LEFTY1: variants seen among roughly 807,000 people sequenced by gnomAD.
LEFTY1 encodes left-right determination factor 1, also known as left-right determination factor B.
LEFTY1 carries 18 observed loss-of-function variants against 22.6 expected under a neutral mutation model. That is an observed-to-expected ratio of 0.80 (90% confidence interval 0.55 to 1.18). The LOEUF (loss-of-function observed/expected upper bound fraction) is 1.18, where lower values mean the gene tolerates loss of function less well. Among genes scored for constraint, LEFTY1 ranks in the 50% most tolerant of loss-of-function variants. The probability of loss-of-function intolerance (pLI) is 0.00; values close to 1 mark genes in which losing one functional copy is unlikely to be tolerated. For missense variants in LEFTY1, 414 were observed against 495.4 expected (o/e 0.84, Z 1.56); for synonymous variants, 201 against 231.5 (o/e 0.87, Z 1.20).
rs774548213 is a variant in LEFTY1 at position 225,886,730 on chromosome 1, T to C, written c.1098A>G (p.Pro366=). ...CCTCGATGGCTACACTAGGCGCCTA[T>C]GGCTGGAGCCTCCTTGGCACGAGCG... ...DGALVPRRLQ[P] is the part of the protein sequence containing the mutation. Residue 366 remains proline, a synonymous_variant, in exon 4 of 4, where the codon CCA becomes CCG. Transcript: ENST00000272134. 1.9e-6 allele frequency: 3 copies of C among 1,613,386 alleles called. No homozygotes were observed. The highest frequency in any genetic ancestry group is 1.3e-5 in the African/African-American group (1 of 74,932).
rs762171279 is a variant in LEFTY1 at position 225,886,488 on chromosome 1, A to G, written c.*239T>C. The stretch of plus-strand genomic sequence containing the variant: ...CTCCACATGTAAGTGCTTAGAATAT[A>G]GTGCAGTGAATAATAAGAATAGAGA... On this transcript the variant is annotated 3_prime_UTR_variant, in exon 4 of 4. Coordinates refer to ENST00000272134, the MANE Select transcript of LEFTY1 (RefSeq NM_020997.4). The G allele has an allele frequency of 8.8e-6, 6 of 683,038 alleles. No individual in the cohort carries two copies. The highest frequency in any genetic ancestry group is 1.4e-5 in the Non-Finnish European group (6 of 421,534). 42.3% of individuals were successfully genotyped at this position (683,038 alleles called of 1,614,324 possible).
chr1:225,888,787 A>G, intron 1 of LEFTY1, 30 bp downstream of exon 1: 4 of 1,612,174 alleles, frequency 2.5e-6, no homozygotes, highest in Non-Finnish European at 2.5e-6. Context: ...GCCCCATGGG[A>G]CCAGGGGCAG....
At chr1:225,887,707 A>G in intron 2 of LEFTY1, 69 bp from the exon 3 acceptor site, 2 of 1,578,542 alleles carry the variant, frequency 1.3e-6, no homozygotes, top group Non-Finnish European at 1.7e-6. Context: ...AGGACCCCGC[A>G]CCGCCCCCCC....
At chr1:225,888,744 CT>C in intron 1 of LEFTY1, 72 bp downstream of exon 1, 1 of 1,595,536 alleles carries the variant, frequency 6.3e-7, no homozygotes, top group Non-Finnish European at 8.5e-7. Context: ...GCCAGGAGCC[CT>C]TTGACACCAC....
In LEFTY1 at chr1:225,887,067, T is replaced by A; in HGVS notation, c.761A>T (p.Glu254Val). 1 of 1,601,258 alleles carries A rather than the reference T, an allele frequency of 6.2e-7. No homozygotes were observed. The highest frequency in any genetic ancestry group is 1.1e-5 in the South Asian group (1 of 89,334). Residue 254 changes from glutamate (E) to valine (V), a missense_variant, in exon 4 of 4, where the codon GAA becomes GTA. By Grantham distance (121) the Glu-to-Val change is moderately radical. Transcript: ENST00000272134. ...DYGAQGDCDP[E>V]APMTEGTRCC... ...GCGGGTGCCCTCGGTCATTGGTGCT[T>A]CAGGGTCACAGTCGCCCTGAGCTCT...
In LEFTY1 at chr1:225,886,854, G is replaced by T; in HGVS notation, c.974C>A (p.Pro325His). ...QCIASETDSL[P>H]MIVSIKEGGR... ...TCCCTCCTTGATGCTGACGATCATGGGCAGCGAGTCAGTCTCCGAGGCGAT... is the reference window on the plus strand; with the variant it reads ...TCCCTCCTTGATGCTGACGATCATGTGCAGCGAGTCAGTCTCCGAGGCGAT... Residue 325 changes from proline to histidine, a missense_variant, in exon 4 of 4, where the codon CCC (proline) becomes CAC (histidine). Pro to His is a moderately conservative substitution (Grantham distance 77, BLOSUM62 -2). Coordinates refer to ENST00000272134, the MANE Select transcript of LEFTY1 (RefSeq NM_020997.4). 1 of 1,613,938 alleles carries T rather than the reference G, an allele frequency of 6.2e-7. No homozygotes were observed. Among genetic ancestry groups the T allele is most frequent in the South Asian group, 1.1e-5 (1 of 91,078 alleles).
chr1:225,887,099 G>C lies in LEFTY1; in HGVS notation c.738-9C>G. The C allele has an allele frequency of 6.3e-7, 1 of 1,596,610 alleles. No homozygotes were observed. Among genetic ancestry groups the C allele is most frequent in the Non-Finnish European group, 8.5e-7 (1 of 1,172,622 alleles). ...CACAGTCGCCCTGAGCTCTGTGTGG[G>C]CAAAGAGAGCAGGGTCAGCGGTCAG... On this transcript the variant is annotated splice_polypyrimidine_tract_variant and intron_variant, in intron 3 of 3. Coordinates refer to ENST00000272134, the MANE Select transcript of LEFTY1 (RefSeq NM_020997.4).
Position 225,886,822 on chromosome 1 carries a change from T to G in LEFTY1, c.1006A>C (p.Thr336Pro). The G allele has an allele frequency of 1.2e-6, 2 of 1,613,906 alleles. No homozygotes were observed. The highest frequency in any genetic ancestry group is 2.2e-5 in the South Asian group (2 of 91,080). ...MIVSIKEGGR[T>P]RPQVVSLPNM... is the part of the protein sequence containing the mutation. ...GGCAGGCTGACCACCTGGGGCCTGG[T>G]CCTGCCTCCCTCCTTGATGCTGACG... The change falls in exon 4 of 4, where the codon ACC (threonine) becomes CCC (proline). Residue 336 changes from threonine (T) to proline (P), a missense_variant. By Grantham distance (38) the Thr-to-Pro change is conservative (BLOSUM62 -1). This residue lies in a region of LEFTY1 where 398 missense variants were observed against 454.7 expected (regional missense o/e 0.88). Transcript: ENST00000272134.
At chr1:225,887,240 A>T in intron 3 of LEFTY1, 150 bp from the exon 4 acceptor site, 1 of 1,475,514 alleles carries the variant, frequency 6.8e-7, no homozygotes, top group Non-Finnish European at 9.0e-7. Flanking sequence ...CTTGAAAATT[A>T]ATAACCGATA....
chr1:225,887,707 ACCGCCCCC>A lies in LEFTY1; in HGVS notation c.497+71_498-70del. 3.8e-6 allele frequency: 6 copies of A among 1,578,542 alleles called. No individual in the cohort carries two copies. The South Asian group carries it at 4.5e-5, about 12-fold the overall frequency. ...CTGGGACGGGCCCCGAGGACCCCGC[ACCGCCCCC>A]CCGCGTCCCCGCCCCCAAGCCGGGC... On this transcript the variant is annotated intron_variant, in intron 2 of 3. Transcript: ENST00000272134.
In LEFTY1 at chr1:225,887,407, C is replaced by T. The variant is rs1326345612; in HGVS notation, c.729G>A (p.Gly243=). ...PQLELHTLDL[G]DYGAQGDCDP... ...TGACCCTCAGCACCTACCCATAGTCCCCAAGGTCCAGGGTGTGCAGCTCCA... is the reference window on the plus strand; with the variant it reads ...TGACCCTCAGCACCTACCCATAGTCTCCAAGGTCCAGGGTGTGCAGCTCCA... Residue 243 remains glycine (G), a synonymous_variant, in exon 3 of 4, where the codon GGG becomes GGA. Coordinates refer to ENST00000272134, the MANE Select transcript of LEFTY1 (RefSeq NM_020997.4). The T allele has an allele frequency of 8.1e-6, 13 of 1,613,666 alleles. No homozygotes were observed. Among genetic ancestry groups the T allele is most frequent in the Non-Finnish European group, 1.1e-5 (13 of 1,179,894 alleles).
At chr1:225,888,783 T>A in intron 1 of LEFTY1, 34 bp downstream of exon 1, 2 of 1,611,922 alleles carry the variant, frequency 1.2e-6, no homozygotes, top group Non-Finnish European at 1.7e-6. Context: ...ACCTGCCCCA[T>A]GGGACCAGGG....
chr1:225,887,148 C>T, intron 3 of LEFTY1, 58 bp from the exon 4 acceptor site: 1 of 1,540,224 alleles, frequency 6.5e-7, no homozygotes, highest in Non-Finnish European at 8.7e-7. Context: ...GGTCAGAGGG[C>T]GTCTGGGATG....
chr1:225,886,469 A>G lies in LEFTY1; in HGVS notation c.*258T>C. On this transcript the variant is annotated 3_prime_UTR_variant, in exon 4 of 4. Coordinates refer to ENST00000272134, the MANE Select transcript of LEFTY1 (RefSeq NM_020997.4). Reference sequence around the variant, plus strand: ...TGCCCTCAGGTTACAGTATCTCCACATGTAAGTGCTTAGAATATAGTGCAG... The same window carrying G: ...TGCCCTCAGGTTACAGTATCTCCACGTGTAAGTGCTTAGAATATAGTGCAG... The G allele has an allele frequency of 3.3e-6, 2 of 604,150 alleles. No individual in the cohort carries two copies. The highest frequency in any genetic ancestry group is 6.2e-5 in the East Asian group (2 of 32,146). 37.4% of individuals were successfully genotyped at this position (604,150 alleles called of 1,614,324 possible).
chr1:225,887,689 G>A, intron 2 of LEFTY1, 51 bp from the exon 3 acceptor site: 1 of 1,607,484 alleles, frequency 6.2e-7, no homozygotes, highest in Non-Finnish European at 8.5e-7. Context: ...GGACTGGGAC[G>A]GGCCCCGAGG....
rs370122681 is a variant in LEFTY1, at chr1:225,886,876, C to T, written c.952G>A (p.Ala318Thr). Residue 318 changes from alanine to threonine, a missense_variant, in exon 4 of 4, where the codon GCC becomes ACC. Coordinates refer to ENST00000272134, the MANE Select transcript of LEFTY1 (RefSeq NM_020997.4). The part of the protein sequence containing the change: ...WPFLGPRQCI[A>T]SETDSLPMIV... ...ATGGGCAGCGAGTCAGTCTCCGAGGCGATGCACTGTCGAGGCCCCAGAAAC... is the reference window on the plus strand; with the variant it reads ...ATGGGCAGCGAGTCAGTCTCCGAGGTGATGCACTGTCGAGGCCCCAGAAAC... 3 of 1,613,966 alleles carry T rather than the reference C, an allele frequency of 1.9e-6. No homozygotes were observed. Among genetic ancestry groups the T allele is most frequent in the South Asian group, 2.2e-5 (2 of 91,082 alleles).
At position 225,888,837 on chromosome 1, in the gene LEFTY1, C is replaced by T. The variant is rs1163675842; in HGVS notation, c.230G>A (p.Arg77Lys). 6.2e-7 allele frequency: 1 copy of T among 1,613,314 alleles called. No individual in the cohort carries two copies. The highest frequency in any genetic ancestry group is 2.2e-5 in the East Asian group (1 of 44,862). Reference protein sequence around the residue: ...RSHGDRSRGKRFSQSFREVAG... With the variant: ...RSHGDRSRGKKFSQSFREVAG... ...CTCACCTCGGAAGCTCTGGCTGAAC[C>T]TCTTTCCGCGGGAGCGGTCCCCGTG... is the stretch of plus-strand genomic sequence containing the variant. The change falls in exon 1 of 4, where the codon AGG becomes AAG. Residue 77 changes from arginine to lysine, a missense_variant. By Grantham distance (26) the Arg-to-Lys change is conservative (BLOSUM62 2). This residue lies in a region of LEFTY1 where 398 missense variants were observed against 454.7 expected (regional missense o/e 0.88). Transcript: ENST00000272134.
At position 225,886,705 on chromosome 1, in the gene LEFTY1, C is replaced by T. The variant is rs200925389; in HGVS notation, c.*22G>A. On this transcript the variant is annotated 3_prime_UTR_variant, in exon 4 of 4. Transcript: ENST00000272134. ...TTCAGAAACACACACAAGTCAAGTC[C>T]CTCGATGGCTACACTAGGCGCCTAT... 2.5e-6 allele frequency: 4 copies of T among 1,613,168 alleles called. No individual in the cohort carries two copies. The highest frequency in any genetic ancestry group is 3.4e-6 in the Non-Finnish European group (4 of 1,180,028).
In LEFTY1 at chr1:225,887,793, C is replaced by A. The variant is rs1005405089; in HGVS notation, c.490G>T (p.Asp164Tyr). 1.9e-6 allele frequency: 3 copies of A among 1,546,864 alleles called. No individual in the cohort carries two copies. Among genetic ancestry groups the A allele is most frequent in the Admixed American group, 3.9e-5 (2 of 51,582 alleles). Residue 164 changes from aspartate (D) to tyrosine (Y), a missense_variant, in exon 2 of 4, where the codon GAC (aspartate) becomes TAC (tyrosine). Around this residue, in one of 2 missense-constraint regions of LEFTY1, gnomAD observed 398 missense variants for 454.7 expected, o/e 0.88. Coordinates refer to ENST00000272134, the MANE Select transcript of LEFTY1 (RefSeq NM_020997.4). ...DDGSNRTSLI[D>Y]SRLVSVHESG... ...CGCCCCCGCGACCCCCACCTGGAGT[C>A]GATGAGGGAGGTGCGGTTGGAGCCG...
Sources: gnomAD v4.1 joint callset for allele counts on GRCh38, gnomAD v4.1.1 for gene constraint, gnomAD v4.1.1 regional missense constraint, MANE v1.5 for transcripts, NCBI Gene and HGNC (gene_info 2026-07-23, HGNC 2026-07-21) for gene names.